Variants in USP6NL observed in about 807,000 individuals in gnomAD.
USP6NL encodes the protein USP6 N-terminal-like protein.
A neutral mutation model predicts 61.9 loss-of-function variants in USP6NL; 26 were observed. The observed-to-expected ratio is 0.42, with a 90% CI of 0.31 to 0.58. The LOEUF is 0.58. Among genes scored for constraint, USP6NL ranks in the 20% least tolerant of loss-of-function variants. USP6NL has a pLI of 0.16. For synonymous variants in USP6NL, 432 were observed against 390.1 expected (o/e 1.11, Z -1.27); for missense variants, 1,114 against 1,034.3 (o/e 1.08, Z -1.06).
intron 2 of USP6NL, among the ~76,000 whole-genome samples, chr10:11,544,908 T>C (rs1452468216): frequency 6.6e-6 from 1 of 152,162 alleles, no homozygotes; most frequent in Non-Finnish European, 1.5e-5. Flanking sequence ...CAAAATTATA[T>C]GTACTGATTT....
At chr10:11,501,591 A>T (rs1413661547) in intron 6 of USP6NL, among the ~76,000 whole-genome samples, 1 of 152,160 alleles carries the variant, frequency 6.6e-6, no homozygotes, top group Non-Finnish European at 1.5e-5. Flanking sequence ...TATCCCACAC[A>T]CCTAAAAGAT....
rs1300454983 is a variant in USP6NL at position 11,495,862 on chromosome 10, C to CA, written c.385-2635dup. On this transcript the variant is annotated intron_variant, in intron 7 of 14. Transcript: ENST00000609104. This position sits in a 1 kb window ranked among gnomAD's most constrained non-coding sequence, Gnocchi z 4.6. ...TCTGCTTTTGTTTAAAAGTGGGACA[C>CA]AAAAAAGCTGCATGCCTGGGTGAGG... is the stretch of plus-strand genomic sequence containing the variant. Among the ~76,000 whole-genome samples the CA allele has an allele frequency of 6.6e-6, 1 of 152,204 alleles. No individual in the cohort carries two copies. Among genetic ancestry groups the CA allele is most frequent in the African/African-American group, 2.4e-5 (1 of 41,452 alleles).
chr10:11,557,712 C>T (rs1836767518), intron 2 of USP6NL, among the ~76,000 whole-genome samples: 1 of 152,080 alleles, frequency 6.6e-6, no homozygotes, highest in South Asian at 2.1e-4. Flanking sequence ...AGCACAGAGA[C>T]TCTAGTGCAT....
rs928125085 is a variant in USP6NL, at chr10:11,510,677, T to C, written c.196-1002A>G. On this transcript the variant is annotated intron_variant, in intron 5 of 14. Coordinates refer to ENST00000609104, the MANE Select transcript of USP6NL (RefSeq NM_014688.5). This position sits in a 1 kb window ranked among gnomAD's most constrained non-coding sequence, Gnocchi z 4.8. Reference sequence around the variant, plus strand: ...GAATAAAAAGCAATGAAAATACAAGTCTACTCAGAAAAGAAAATCATTCTG... The same window carrying C: ...GAATAAAAAGCAATGAAAATACAAGCCTACTCAGAAAAGAAAATCATTCTG... Among the ~76,000 whole-genome samples, 6 of 152,162 alleles carry C rather than the reference T, an allele frequency of 3.9e-5. No individual in the cohort carries two copies. Among genetic ancestry groups the C allele is most frequent in the Admixed American group, 6.5e-5 (1 of 15,284 alleles).
At chr10:11,530,424 T>A (rs982020277) in intron 2 of USP6NL, among the ~76,000 whole-genome samples, 1 of 152,244 alleles carries the variant, frequency 6.6e-6, no homozygotes, top group Non-Finnish European at 1.5e-5. Context: ...AAGCTTTACA[T>A]AGATCACTGT....
rs117072032 is a variant in USP6NL at position 11,509,089 on chromosome 10, A to G, written c.276+506T>C. ...TCTCTAACTAACTTAGCACAAACTC[A>G]ACGCAAGGCAAAAACATTAAAGGGG... On this transcript the variant is annotated intron_variant, in intron 6 of 14. Coordinates refer to ENST00000609104, the MANE Select transcript of USP6NL (RefSeq NM_014688.5). Among the ~76,000 whole-genome samples the G allele has an allele frequency of 4.3e-3, 649 of 152,336 alleles. 2 individuals carry two copies. Among genetic ancestry groups the G allele is most frequent in the South Asian group, 0.01 (49 of 4,824 alleles).
Position 11,537,685 on chromosome 10 carries a change from A to G in USP6NL, c.5-10118T>C, listed in dbSNP as rs912861160. Among the ~76,000 whole-genome samples, 2 of 152,216 alleles carry G rather than the reference A, an allele frequency of 1.3e-5. No individual in the cohort carries two copies. Among genetic ancestry groups the G allele is most frequent in the African/African-American group, 4.8e-5 (2 of 41,456 alleles). The stretch of plus-strand genomic sequence containing the variant: ...GCCCAGTTGCCAAGCAAGTAGGGTC[A>G]GTGGGGCTGGGGAGGATGCAGCAAA... On this transcript the variant is annotated intron_variant, in intron 2 of 14. Transcript: ENST00000609104. The surrounding 1 kb of genome is among the most constrained non-coding windows in gnomAD (Gnocchi z 5.1).
chr10:11,523,281 A>C (rs1331243363), intron 4 of USP6NL, among the ~76,000 whole-genome samples: 5 of 152,242 alleles, frequency 3.3e-5, no homozygotes, highest in Non-Finnish European at 5.9e-5. Flanking sequence ...TTCTCAATAG[A>C]CAAGAGTCAG....
At position 11,597,571 on chromosome 10, in the gene USP6NL, T is replaced by C. The variant is rs370350263; in HGVS notation, c.4+60A>G. The C allele has an allele frequency of 3.8e-4, 578 of 1,529,636 alleles. 5 individuals carry two copies. In the South Asian group the frequency reaches 6.5e-3, roughly 17 times the overall value. 94.8% of individuals were successfully genotyped at this position (1,529,636 alleles called of 1,614,324 possible). ...ATTCAGTAACATGTTTTTCTTCTCCTAAGCACAATACAGCAAACGCTCCTG... is the reference window on the plus strand; with the variant it reads ...ATTCAGTAACATGTTTTTCTTCTCCCAAGCACAATACAGCAAACGCTCCTG... On this transcript the variant is annotated intron_variant, in intron 2 of 14. Transcript: ENST00000609104. The surrounding 1 kb of genome is among the most constrained non-coding windows in gnomAD (Gnocchi z 4.6).
chr10:11,529,574 G>A (rs191722878), intron 2 of USP6NL, among the ~76,000 whole-genome samples: 1 of 152,324 alleles, frequency 6.6e-6, no homozygotes, highest in Non-Finnish European at 1.5e-5. Context: ...ATGTGAATAT[G>A]CTTTCCTTTG....
intron 3 of USP6NL, among the ~76,000 whole-genome samples, chr10:11,527,162 G>A (rs1479908506): frequency 1.3e-5 from 2 of 152,108 alleles, no homozygotes; most frequent in Non-Finnish European, 2.9e-5. Context: ...GGTCAGAGAA[G>A]ATCTCAGTAA....
rs12780367 is a variant in USP6NL at position 11,494,022 on chromosome 10, C to T, written c.385-794G>A. Among the ~76,000 whole-genome samples the T allele has an allele frequency of 7.3e-3, 1,119 of 152,338 alleles. 3 individuals are homozygous for T. Among genetic ancestry groups the T allele is most frequent in the South Asian group, 0.012 (57 of 4,832 alleles). ...TCTTTTTTCTCAGGTTCTTCCCTTG[C>T]TCTGCAGGAACACACCCTTTAGTAG... On this transcript the variant is annotated intron_variant, in intron 7 of 14. Coordinates refer to ENST00000609104, the MANE Select transcript of USP6NL (RefSeq NM_014688.5).
At chr10:11,535,613 C>A (rs1566165134) in intron 2 of USP6NL, among the ~76,000 whole-genome samples, 1 of 152,216 alleles carries the variant, frequency 6.6e-6, no homozygotes, top group African/African-American at 2.4e-5. Flanking sequence ...CACCCCAAAG[C>A]TGCTTCATGC....
chr10:11,473,849 A>G lies in USP6NL; in HGVS notation c.1078+7921T>C, dbSNP rs537265727. On this transcript the variant is annotated intron_variant, in intron 14 of 14. Coordinates refer to ENST00000609104, the MANE Select transcript of USP6NL (RefSeq NM_014688.5). ...TAGGAACAAATGAAAAGAACAGAGG[A>G]TTCCATCAGGTTCAAAGATTTCTAA... 2.6e-5 allele frequency among the ~76,000 whole-genome samples: 4 copies of G among 152,348 alleles called. No homozygotes were observed. The South Asian group carries it at 8.3e-4, about 32-fold the overall frequency.
Position 11,490,840 on chromosome 10 carries a change from A to G in USP6NL, c.535T>C (p.Tyr179His). ...LFHVLAAYSI[Y>H]NTEVGYCQGM... ...GGCAGGCCCCAACTTACCGTGTTAT[A>G]AATAGAATAGGCAGCAAGCACATGG... Residue 179 changes from tyrosine (Y) to histidine (H), a missense_variant, in exon 9 of 15, where the codon TAT becomes CAT. Transcript: ENST00000609104. The surrounding 1 kb of genome is among the most constrained non-coding windows in gnomAD (Gnocchi z 4.5). 1 of 1,554,678 alleles carries G rather than the reference A, an allele frequency of 6.4e-7. No homozygotes were observed. Among genetic ancestry groups the G allele is most frequent in the Non-Finnish European group, 8.7e-7 (1 of 1,149,538 alleles).
chr10:11,521,057 A>C (rs1312080885), intron 4 of USP6NL, among the ~76,000 whole-genome samples: 3 of 152,146 alleles, frequency 2.0e-5, no homozygotes, highest in African/African-American at 7.2e-5. Flanking sequence ...TAAACTTTGA[A>C]AGTATTACTA....
At chr10:11,571,276 T>C (rs1263197333) in intron 2 of USP6NL, among the ~76,000 whole-genome samples, 2 of 151,936 alleles carry the variant, frequency 1.3e-5, no homozygotes, top group East Asian at 1.9e-4. Context: ...AGTAGAGACA[T>C]GGTTTCTCCA....
At chr10:11,497,146 A>C (rs1833965360) in intron 7 of USP6NL, among the ~76,000 whole-genome samples, 1 of 142,200 alleles carries the variant, frequency 7.0e-6, no homozygotes, top group Non-Finnish European at 1.5e-5. Flanking sequence ...ACAGTGGCTC[A>C]CGCCTGTAAT....
At position 11,518,117 on chromosome 10, in the gene USP6NL, G is replaced by C. The variant is rs936379334; in HGVS notation, c.195+418C>G. Among the ~76,000 whole-genome samples, 57 of 152,150 alleles carry C rather than the reference G, an allele frequency of 3.7e-4. No homozygotes were observed. The highest frequency in any genetic ancestry group is 1.4e-3 in the African/African-American group (57 of 41,420). The stretch of plus-strand genomic sequence containing the variant: ...GTAAGAAATTTACTAAAATCTCCTG[G>C]AACAGTCACATTTCAAAGAACTGCT... On this transcript the variant is annotated intron_variant, in intron 5 of 14. Transcript: ENST00000609104. The surrounding 1 kb of genome is among the most constrained non-coding windows in gnomAD (Gnocchi z 5.3).
Sources: allele counts gnomAD v4.1 joint callset (sites outside exome capture counted in the v4.1 genomes callset), GRCh38; gene constraint gnomAD v4.1.1; non-coding constraint Gnocchi (gnomAD v3.1); transcripts MANE v1.5; gene names NCBI Gene and HGNC (gene_info 2026-07-23, HGNC 2026-07-21).